CFAP47: variants seen among roughly 807,000 people sequenced by gnomAD.
CFAP47 encodes the protein cilia and flagella associated protein 47, also known as cilia- and flagella-associated protein 47.
CFAP47 carries 29 observed loss-of-function variants against 148.1 expected under a neutral mutation model. The ratio of observed to expected loss-of-function variants is 0.20; its 90% CI spans 0.15 to 0.27. The LOEUF (loss-of-function observed/expected upper bound fraction) is 0.27, where lower values mean the gene tolerates loss of function less well. CFAP47 is among the 10% of genes least tolerant of loss of function. CFAP47 has a pLI of 1.00. For missense variants in CFAP47, 1,872 were observed against 1,697.5 expected, an observed-to-expected ratio of 1.10 and a Z score of -1.81; for synonymous variants, 664 against 577.3, an observed-to-expected ratio of 1.15 and a Z score of -2.15.
chrX:36,043,903 C>T (rs1890953485), intron 25 of CFAP47, among the ~76,000 whole-genome samples: 1 of 112,975 alleles, frequency 8.9e-6, no homozygotes, highest in South Asian at 3.6e-4. Context: ...GCCCCTGTAG[C>T]AGACTTTGGC....
chrX:35,934,559 G>A (rs776147626), intron 2 of CFAP47, among the ~76,000 whole-genome samples: 24 of 110,634 alleles, frequency 2.2e-4, no homozygotes, highest in Admixed American at 1.7e-3. Context: ...ATACCTCTGT[G>A]GCCAAGCTGA....
chrX:36,032,668 T>G (rs1266604030), intron 23 of CFAP47, among the ~76,000 whole-genome samples: 1 of 111,055 alleles, frequency 9.0e-6, no homozygotes, highest in East Asian at 2.8e-4. Context: ...CAAAAGACAA[T>G]ATCTGAAGCT....
Position 36,137,951 on chromosome X carries a change from G to A in CFAP47, c.5321-7G>A. 1 of 622,570 alleles carries A rather than the reference G, an allele frequency of 1.6e-6. No homozygotes were observed. The highest frequency in any genetic ancestry group is 2.6e-6 in the Non-Finnish European group (1 of 386,466). 51.3% of individuals were successfully genotyped at this position (622,570 alleles called of 1,213,427 possible). A position where few individuals can be genotyped will look rare whatever the true frequency, so the allele number is the denominator to read the frequency against. On this transcript the variant is annotated splice_region_variant and splice_polypyrimidine_tract_variant and intron_variant, in intron 33 of 63. Transcript: ENST00000378653. ...GTTGTATTTACTCTCCCTCTTTTTTGAAACAGATGTTATCCCTTCTGAGAG... is the reference window on the plus strand; with the variant it reads ...GTTGTATTTACTCTCCCTCTTTTTTAAAACAGATGTTATCCCTTCTGAGAG...
rs192886318 is a variant in CFAP47 at position 36,201,593 on chromosome X, C to G, written c.6663+93C>G. ...CTGTTACTATTTAAAATATTATTTT[C>G]ATTAAATAACATTTTTAGAAGGAAA... On this transcript the variant is annotated intron_variant, in intron 44 of 63. Coordinates refer to ENST00000378653, the MANE Select transcript of CFAP47 (RefSeq NM_001304548.2). The G allele has an allele frequency of 2.4e-3, 698 of 287,208 alleles. 1 individual carries two copies. The highest frequency in any genetic ancestry group is 0.018 in the African/African-American group (644 of 36,165). 23.7% of individuals were successfully genotyped at this position (287,208 alleles called of 1,213,427 possible). A position where few individuals can be genotyped will look rare whatever the true frequency, so the allele number is the denominator to read the frequency against.
intron 33 of CFAP47, among the ~76,000 whole-genome samples, chrX:36,118,055 A>G (rs764118949): frequency 9.0e-6 from 1 of 111,494 alleles, no homozygotes; most frequent in Non-Finnish European, 1.9e-5. Flanking sequence ...CACTGTAGAT[A>G]TGTGGATTTG....
At chrX:36,111,514 T>C (rs1001634793) in intron 33 of CFAP47, among the ~76,000 whole-genome samples, 15 of 112,082 alleles carry the variant, frequency 1.3e-4, no homozygotes, top group African/African-American at 4.9e-4. Flanking sequence ...CAGTATTTTG[T>C]TGAGGATTCT....
At chrX:36,000,773 G>A (rs181534102) in intron 20 of CFAP47, among the ~76,000 whole-genome samples, 2 of 111,307 alleles carry the variant, frequency 1.8e-5, no homozygotes, top group East Asian at 5.6e-4. Flanking sequence ...ATGTCTTTGG[G>A]GAGCTATCTC....
intron 7 of CFAP47, among the ~76,000 whole-genome samples, 190 bp downstream of exon 7, chrX:35,953,909 A>G (rs1936205709): frequency 9.0e-6 from 1 of 111,688 alleles, no homozygotes; most frequent in South Asian, 3.7e-4. Context: ...AATCATTTAC[A>G]TAATAATTTT....
In CFAP47 at chrX:36,104,482, A is replaced by T; in HGVS notation, c.5128-17A>T. 1.6e-6 allele frequency: 1 copy of T among 639,955 alleles called. No individual in the cohort carries two copies. Among genetic ancestry groups the T allele is most frequent in the Non-Finnish European group, 2.2e-6 (1 of 446,618 alleles). 52.7% of individuals were successfully genotyped at this position (639,955 alleles called of 1,213,427 possible). ...TTTCCATTTGCATCTAATAAAAGTT[A>T]TCTCTCCCAATTTCAGGTTTTGGTT... is the stretch of plus-strand genomic sequence containing the variant. On this transcript the variant is annotated splice_polypyrimidine_tract_variant and intron_variant, in intron 32 of 63. Coordinates refer to ENST00000378653, the MANE Select transcript of CFAP47 (RefSeq NM_001304548.2).
intron 45 of CFAP47, among the ~76,000 whole-genome samples, chrX:36,217,822 T>C (rs1940173672): frequency 8.9e-6 from 1 of 112,182 alleles, no homozygotes; most frequent in Non-Finnish European, 1.9e-5. Flanking sequence ...TCCTTATAGT[T>C]TTAATTTATT....
At chrX:36,207,505 A>G (rs1216847234) in intron 45 of CFAP47, among the ~76,000 whole-genome samples, 1 of 111,523 alleles carries the variant, frequency 9.0e-6, no homozygotes, top group Non-Finnish European at 1.9e-5. Context: ...TCTCACATTA[A>G]TGTTGTCAAT....
At chrX:36,333,576 C>T (rs782587464) in intron 57 of CFAP47, among the ~76,000 whole-genome samples, 2 of 111,659 alleles carry the variant, frequency 1.8e-5, no homozygotes, top group East Asian at 5.6e-4. Flanking sequence ...CACTATATTT[C>T]TTAAAATCCT....
chrX:36,302,610 A>G (rs1602099291), intron 53 of CFAP47, among the ~76,000 whole-genome samples: 2 of 112,302 alleles, frequency 1.8e-5, no homozygotes, highest in East Asian at 5.6e-4. Flanking sequence ...TTATTATGTT[A>G]TACTTTACAG....
At chrX:36,045,446 G>A (rs775476186) in intron 25 of CFAP47, among the ~76,000 whole-genome samples, 9 of 111,537 alleles carry the variant, frequency 8.1e-5, no homozygotes, top group Non-Finnish European at 5.6e-5. Context: ...CCTGAAGCCA[G>A]CAAGTCTCAG....
At chrX:36,285,313 T>C (rs1941121079) in intron 50 of CFAP47, among the ~76,000 whole-genome samples, 2 of 111,948 alleles carry the variant, frequency 1.8e-5, no homozygotes, top group South Asian at 3.7e-4. Context: ...TGGTTATTAC[T>C]TTTTGAAACA....
At chrX:36,237,414 C>G (rs1373783118) in intron 48 of CFAP47, among the ~76,000 whole-genome samples, 4 of 111,316 alleles carry the variant, frequency 3.6e-5, no homozygotes, top group Non-Finnish European at 7.5e-5. Context: ...ACTGCAACCT[C>G]CACCTCCTGG....
chrX:36,238,756 G>A (rs886780171), intron 48 of CFAP47, among the ~76,000 whole-genome samples: 5 of 111,574 alleles, frequency 4.5e-5, no homozygotes, highest in Admixed American at 2.9e-4. Flanking sequence ...CAAGTTTCAC[G>A]CATCAAAAGC....
At chrX:36,000,501 A>G (rs1048667583) in intron 20 of CFAP47, 74 bp downstream of exon 20, 34 of 273,993 alleles carry the variant, frequency 1.2e-4, no homozygotes, top group African/African-American at 8.9e-4. Context: ...ATAATTTCTA[A>G]AACTAATTCA....
chrX:36,311,516 T>G (rs933787521), intron 56 of CFAP47, among the ~76,000 whole-genome samples: 2 of 111,286 alleles, frequency 1.8e-5, no homozygotes, highest in Non-Finnish European at 3.8e-5. Flanking sequence ...AATTAAAAAT[T>G]AACTCAGCAT....
Sources: gnomAD v4.1 joint callset for allele counts (sites outside exome capture counted in the v4.1 genomes callset) on GRCh38, gnomAD v4.1.1 for gene constraint, MANE v1.5 for transcripts, NCBI Gene and HGNC (gene_info 2026-07-23, HGNC 2026-07-21) for gene names.